ARL15: variants seen among roughly 807,000 people sequenced by gnomAD.
ARL15 encodes ADP-ribosylation factor-like protein 15.
A neutral mutation model predicts 25.2 loss-of-function variants in ARL15; 19 were observed. The observed-to-expected ratio is 0.75, with a 90% CI of 0.53 to 1.10. The LOEUF is 1.10. Among genes scored for constraint, ARL15 ranks in the 50% least tolerant of loss-of-function variants. ARL15 has a pLI of 0.00. For missense variants in ARL15, 220 were observed against 246.0 expected (o/e 0.89, Z 0.71); for synonymous variants, 94 against 86.8 (o/e 1.08, Z -0.46).
intron 1 of ARL15, among the ~76,000 whole-genome samples, chr5:54,200,098 A>G (rs1286518010): frequency 6.9e-6 from 1 of 144,354 alleles, no homozygotes; most frequent in East Asian, 2.2e-4. Flanking sequence ...GAACAATGAG[A>G]ACACATGGAC....
At chr5:54,220,461 G>A (rs893166339) in intron 1 of ARL15, among the ~76,000 whole-genome samples, 9 of 152,300 alleles carry the variant, frequency 5.9e-5, no homozygotes, top group Non-Finnish European at 1.2e-4. Context: ...CCCAGAGCAC[G>A]TCTTCACCGA....
Position 53,886,630 on chromosome 5 carries a change from T to C in ARL15, c.546A>G (p.Ala182=), listed in dbSNP as rs1372506374. The C allele has an allele frequency of 1.9e-6, 3 of 1,570,976 alleles. No homozygotes were observed. The highest frequency in any genetic ancestry group is 3.7e-5 in the Admixed American group (2 of 53,946). ...LQPCSLDDMD[A]LKDSFSQLIN... ...TCAGCTGAGAGAAGCTGTCTTTCAG[T>C]GCATCCATGTCATCCAGTGAGCAGG... The change falls in exon 5 of 5, where the codon GCA becomes GCG. Residue 182 remains alanine, a synonymous_variant. Coordinates refer to ENST00000504924, the MANE Select transcript of ARL15 (RefSeq NM_019087.3).
At chr5:53,893,145 G>C (rs1744773417) in intron 4 of ARL15, among the ~76,000 whole-genome samples, 2 of 152,022 alleles carry the variant, frequency 1.3e-5, no homozygotes, top group South Asian at 4.2e-4. Flanking sequence ...CAGTGATATG[G>C]TGGGGCCCGC....
intron 1 of ARL15, among the ~76,000 whole-genome samples, chr5:54,211,233 C>T (rs1429154397): frequency 6.6e-6 from 1 of 152,040 alleles, no homozygotes; most frequent in Non-Finnish European, 1.5e-5. Flanking sequence ...CTCCTGCTTC[C>T]ACCAGACCAC....
chr5:53,925,531 A>G (rs1745991480), intron 4 of ARL15, among the ~76,000 whole-genome samples: 1 of 152,226 alleles, frequency 6.6e-6, no homozygotes, highest in Admixed American at 6.5e-5. Context: ...GGCAGGGCAC[A>G]GTGGCTCATG....
chr5:54,192,834 G>A (rs527509565), intron 1 of ARL15, among the ~76,000 whole-genome samples: 2 of 152,278 alleles, frequency 1.3e-5, no homozygotes, highest in Middle Eastern at 6.8e-3. Context: ...GAATGCTTCT[G>A]AGTAGTTAGA....
Position 54,256,336 on chromosome 5 carries a change from T to C in ARL15, c.48+54096A>G, listed in dbSNP as rs941695768. On this transcript the variant is annotated intron_variant, in intron 1 of 4. Coordinates refer to ENST00000504924, the MANE Select transcript of ARL15 (RefSeq NM_019087.3). ...AGTAATGGATAGATTCCTGGAAACC[T>C]ACAACCCTCCTAGCTTGAATCAGGA... Among the ~76,000 whole-genome samples, 9 of 143,100 alleles carry C rather than the reference T, an allele frequency of 6.3e-5. No homozygotes were observed. In the Admixed American group the frequency reaches 6.6e-4, roughly 11 times the overall value. 93.9% of individuals were successfully genotyped at this position (143,100 alleles called of 152,430 possible). A position where few individuals can be genotyped will look rare whatever the true frequency, so the allele number is the denominator to read the frequency against.
intron 4 of ARL15, among the ~76,000 whole-genome samples, chr5:53,907,921 G>A (rs961749296): frequency 6.6e-6 from 1 of 152,048 alleles, no homozygotes; most frequent in African/African-American, 2.4e-5. Context: ...AGATACGATT[G>A]CTATTTAAGA....
chr5:54,255,987 A>G (rs1008773369), intron 1 of ARL15, among the ~76,000 whole-genome samples: 1 of 152,098 alleles, frequency 6.6e-6, no homozygotes, highest in African/African-American at 2.4e-5. Flanking sequence ...CAAAATGACA[A>G]CCTAACATCA....
At chr5:53,926,487 C>T (rs1580087235) in intron 4 of ARL15, among the ~76,000 whole-genome samples, 1 of 152,158 alleles carries the variant, frequency 6.6e-6, no homozygotes. Flanking sequence ...CCATACTTGT[C>T]CTTCTTCCCC....
intron 4 of ARL15, among the ~76,000 whole-genome samples, chr5:53,902,926 A>AAT (rs1271673594): frequency 1.3e-5 from 2 of 152,190 alleles, no homozygotes; most frequent in Non-Finnish European, 2.9e-5. Context: ...CATCTGAGCA[A>AAT]GGGCAACAGG....
intron 4 of ARL15, among the ~76,000 whole-genome samples, chr5:54,027,930 T>C (rs1408092153): frequency 3.3e-5 from 5 of 152,072 alleles, no homozygotes; most frequent in Non-Finnish European, 7.4e-5. Context: ...CTTTCTTTTT[T>C]TTTTGAGACG....
intron 4 of ARL15, among the ~76,000 whole-genome samples, chr5:53,933,642 C>CAA (rs34912827): frequency 0.54 from 40,667 of 75,748 alleles, 12,812 homozygotes; most frequent in East Asian, 0.67. Flanking sequence ...GAGACTGTCT[C>CAA]AAAAAAAAAA....
At chr5:53,937,683 A>G (rs778711745) in intron 4 of ARL15, among the ~76,000 whole-genome samples, 1 of 150,714 alleles carries the variant, frequency 6.6e-6, no homozygotes. Context: ...GGAGTGTAGC[A>G]GGCAGGCTCT....
At chr5:54,112,001 T>C (rs1045657114) in intron 4 of ARL15, among the ~76,000 whole-genome samples, 8 of 152,130 alleles carry the variant, frequency 5.3e-5, no homozygotes, top group Admixed American at 1.3e-4. Flanking sequence ...AATTACTTAA[T>C]ATTATCTATA....
At chr5:54,205,459 G>A (rs59430615) in intron 1 of ARL15, among the ~76,000 whole-genome samples, 48,803 of 152,066 alleles carry the variant, frequency 0.32, 8,284 homozygotes, top group Middle Eastern at 0.39. Context: ...CAGAACAAAA[G>A]TTTAGGGACC....
At chr5:53,912,024 T>TA (rs1312681475) in intron 4 of ARL15, 1 of 151,574 alleles carries the variant, frequency 6.6e-6, no homozygotes, top group African/African-American at 2.4e-5. Flanking sequence ...TTTTTTTTTT[T>TA]AATGGAATAC....
At chr5:53,976,453 G>C (rs931169187) in intron 4 of ARL15, among the ~76,000 whole-genome samples, 2 of 152,190 alleles carry the variant, frequency 1.3e-5, no homozygotes, top group African/African-American at 4.8e-5. Context: ...CTGTGCCAAA[G>C]AACTTGAACT....
At chr5:54,036,553 T>C (rs1441585482) in intron 4 of ARL15, among the ~76,000 whole-genome samples, 1 of 152,012 alleles carries the variant, frequency 6.6e-6, no homozygotes, top group Non-Finnish European at 1.5e-5. Flanking sequence ...TTCCTTCAAA[T>C]CCATACTTTG....
Sources: gnomAD v4.1 joint callset for allele counts (sites outside exome capture counted in the v4.1 genomes callset) on GRCh38, gnomAD v4.1.1 for gene constraint, MANE v1.5 for transcripts, NCBI Gene and HGNC (gene_info 2026-07-23, HGNC 2026-07-21) for gene names.